The following RASSF3 variants were observed in gnomAD, a reference collection of about 807,000 sequenced individuals.
RASSF3 encodes the protein Ras association domain family member 3, also known as ras association domain-containing protein 3.
A neutral mutation model predicts 19.9 loss-of-function variants in RASSF3; 19 were observed. That is an observed-to-expected ratio of 0.96 (90% confidence interval 0.67 to 1.40). The LOEUF (loss-of-function observed/expected upper bound fraction) is 1.40, where lower values mean the gene tolerates loss of function less well. Among genes scored for constraint, RASSF3 ranks in the 40% most tolerant of loss-of-function variants. The pLI is 0.00. For synonymous variants in RASSF3, 110 were observed against 104.2 expected (o/e 1.06, Z -0.34); for missense variants, 306 against 289.8 (o/e 1.06, Z -0.41).
chr12:64,596,624 A>G (rs1462079575), intron 2 of RASSF3, among the ~76,000 whole-genome samples: 1 of 152,164 alleles, frequency 6.6e-6, no homozygotes, highest in Non-Finnish European at 1.5e-5. Context: ...GTTACAACAC[A>G]GCCCTCCACC....
At chr12:64,561,233 G>T (rs1281328065) in intron 2 of RASSF3, among the ~76,000 whole-genome samples, 1 of 152,140 alleles carries the variant, frequency 6.6e-6, no homozygotes, top group Non-Finnish European at 1.5e-5. Context: ...TATCACTATT[G>T]TTTGTGTATC....
chr12:64,549,007 T>A (rs1869113692), intron 2 of RASSF3, among the ~76,000 whole-genome samples: 1 of 151,720 alleles, frequency 6.6e-6, no homozygotes, highest in Non-Finnish European at 1.5e-5. Context: ...CTTTCCCAAG[T>A]GGGAAAGGAA....
At chr12:64,558,826 C>A (rs562716260) in intron 2 of RASSF3, among the ~76,000 whole-genome samples, 1 of 152,162 alleles carries the variant, frequency 6.6e-6, no homozygotes, top group African/African-American at 2.4e-5. Context: ...AGTGTGGGAA[C>A]GTTGAAGGGA....
intron 2 of RASSF3, among the ~76,000 whole-genome samples, chr12:64,585,970 G>A (rs1215647559): frequency 6.6e-6 from 1 of 152,058 alleles, no homozygotes; most frequent in East Asian, 1.9e-4. Flanking sequence ...AGTGTCCCTT[G>A]GTTCTCTTTA....
At chr12:64,535,954 T>G (rs747930976) in intron 1 of RASSF3, among the ~76,000 whole-genome samples, 1 of 151,122 alleles carries the variant, frequency 6.6e-6, no homozygotes, top group Non-Finnish European at 1.5e-5. Context: ...CCTAAAGTGC[T>G]GGGATTACAG....
At chr12:64,523,891 TA>T (rs536046871) in intron 1 of RASSF3, among the ~76,000 whole-genome samples, 3 of 152,092 alleles carry the variant, frequency 2.0e-5, no homozygotes, top group African/African-American at 7.2e-5. Flanking sequence ...ATGTTTTCAA[TA>T]AAGAGGACTT....
At chr12:64,610,794 A>G in intron 1 of RASSF3, 51 bp downstream of exon 1, 4 of 1,247,164 alleles carry the variant, frequency 3.2e-6, no homozygotes, top group Non-Finnish European at 4.4e-6. Flanking sequence ...GTTCCGGGGA[A>G]CCCGCCAGCC....
At chr12:64,580,623 GA>G (rs1869679134) in intron 2 of RASSF3, among the ~76,000 whole-genome samples, 1 of 139,638 alleles carries the variant, frequency 7.2e-6, no homozygotes, top group Non-Finnish European at 1.6e-5. Context: ...CATCCACACA[GA>G]TAAATTTATT....
Position 64,610,666 on chromosome 12 carries a change from G to T in RASSF3, c.34G>T (p.Ala12Ser), listed in dbSNP as rs1368617694. The T allele has an allele frequency of 5.7e-6, 9 of 1,591,356 alleles. No individual in the cohort carries two copies. Among genetic ancestry groups the T allele is most frequent in the Non-Finnish European group, 7.7e-6 (9 of 1,171,062 alleles). ...SSGYSSLEED[A>S]EDFFFTARTS... ...CGGCTACAGCAGCCTGGAGGAGGAC[G>T]CCGAGGACTTCTTCTTCACCGCCAG... Residue 12 changes from alanine (A) to serine (S), a missense_variant, in exon 1 of 5, where the codon GCC (alanine) becomes TCC (serine). Coordinates refer to ENST00000542104, the MANE Select transcript of RASSF3 (RefSeq NM_178169.4).
In RASSF3 at chr12:64,508,822, G is replaced by A. The variant is rs183154797; in HGVS notation, c.169+1493G>A. Among the ~76,000 whole-genome samples, 218 of 152,168 alleles carry A rather than the reference G, an allele frequency of 1.4e-3. 2 individuals carry two copies. Among genetic ancestry groups the A allele is most frequent in the African/African-American group, 5.0e-3 (206 of 41,512 alleles). ...TTGCTCGAAAACCCAGGAGGTGGAG[G>A]TTGCGGTGAGCCGAGATTGTGCGAT... On this transcript the variant is annotated intron_variant, in intron 1 of 5. Transcript: ENST00000637125.
intron 1 of RASSF3, 49 bp from the exon 2 acceptor site, chr12:64,684,738 A>G: frequency 7.5e-7 from 1 of 1,328,924 alleles, no homozygotes; most frequent in Non-Finnish European, 1.1e-6. Context: ...GCCTATCCGC[A>G]CTTTTTTTTA....
intron 1 of RASSF3, among the ~76,000 whole-genome samples, chr12:64,513,583 T>C (rs1222945818): frequency 6.6e-6 from 1 of 152,058 alleles, no homozygotes; most frequent in African/African-American, 2.4e-5. Flanking sequence ...CCAGATTCAA[T>C]GTAAATCCTA....
At chr12:64,547,669 CT>C (rs1869091632) in intron 2 of RASSF3, among the ~76,000 whole-genome samples, 1 of 152,090 alleles carries the variant, frequency 6.6e-6, no homozygotes. Flanking sequence ...TATTTGTCAG[CT>C]TTAGAGTTTG....
Position 64,555,820 on chromosome 12 carries a change from C to G in RASSF3, c.294+14115C>G, listed in dbSNP as rs567698964. Among the ~76,000 whole-genome samples the G allele has an allele frequency of 2.0e-5, 3 of 151,354 alleles. No homozygotes were observed. In the East Asian group the frequency reaches 5.8e-4, roughly 29 times the overall value. On this transcript the variant is annotated intron_variant, in intron 2 of 5. Transcript: ENST00000637125. Reference sequence around the variant, plus strand: ...CTGTAATCCTAGAACTTTGGGAGGCCAAGGTAGGAGGATCACTTGAAGCAG... The same window carrying G: ...CTGTAATCCTAGAACTTTGGGAGGCGAAGGTAGGAGGATCACTTGAAGCAG...
chr12:64,542,901 G>A (rs1341049576), downstream of RASSF3, among the ~76,000 whole-genome samples: 1 of 152,152 alleles, frequency 6.6e-6, no homozygotes, highest in Non-Finnish European at 1.5e-5. Context: ...GGCCGGAGGC[G>A]GCTCCCTCAG....
chr12:64,584,541 CTCTATT>C (rs1869761648), intron 2 of RASSF3, among the ~76,000 whole-genome samples: 1 of 148,520 alleles, frequency 6.7e-6, no homozygotes, highest in Non-Finnish European at 1.5e-5. Context: ...AAAGTCAGTG[CTCTATT>C]TCTGAACTAC....
intron 1 of RASSF3, among the ~76,000 whole-genome samples, chr12:64,635,094 C>T (rs181052092): frequency 4.3e-4 from 65 of 151,726 alleles, no homozygotes; most frequent in African/African-American, 1.5e-3. Flanking sequence ...GCTAGGACTA[C>T]AGGTACATAC....
chr12:64,554,419 C>T (rs2136122632), intron 2 of RASSF3, among the ~76,000 whole-genome samples: 1 of 152,318 alleles, frequency 6.6e-6, no homozygotes, highest in South Asian at 2.1e-4. Context: ...ATTCTCCTGC[C>T]TCAGCTTCCT....
downstream of RASSF3, among the ~76,000 whole-genome samples, chr12:64,543,452 G>GCCCCCCCGCTCCCCGCCTGCCCC (rs1555208314): frequency 9.2e-5 from 1 of 10,862 alleles, no homozygotes; most frequent in African/African-American, 4.3e-4. Flanking sequence ...GTGCCCGCCC[G>GCCCCCCCGCTCCCCGCCTGCCCC]CCCCCCGCTC....
Sources: gnomAD v4.1 joint callset for allele counts (sites outside exome capture counted in the v4.1 genomes callset) on GRCh38, gnomAD v4.1.1 for gene constraint, MANE v1.5 for transcripts, NCBI Gene and HGNC (gene_info 2026-07-23, HGNC 2026-07-21) for gene names.